TSPAN7: variants seen among roughly 807,000 people sequenced by gnomAD.
TSPAN7 encodes the protein tetraspanin-7.
In TSPAN7, 1 loss-of-function variant was observed where a neutral mutation model predicts 17.6. The ratio of observed to expected loss-of-function variants is 0.06; its 90% CI spans 0.02 to 0.27. TSPAN7 has a LOEUF of 0.27. Ranked by LOEUF, TSPAN7 falls within the 10% of genes least tolerant of loss-of-function variation. The pLI, the probability that TSPAN7 is intolerant of heterozygous loss-of-function variation, is 1.00. For synonymous variants in TSPAN7, 78 were observed against 79.0 expected (o/e 0.99, Z 0.07); for missense variants, 112 against 201.7 (o/e 0.56, Z 2.69).
chrX:38,671,184 T>A (rs950865937), intron 2 of TSPAN7, among the ~76,000 whole-genome samples, 192 bp from the exon 3 acceptor site: 11 of 112,432 alleles, frequency 9.8e-5, no homozygotes, highest in African/African-American at 3.6e-4. Flanking sequence ...CATATGCATA[T>A]TAAACACACA....
At chrX:38,564,861 C>T (rs1270883038) in intron 1 of TSPAN7, among the ~76,000 whole-genome samples, 1 of 111,738 alleles carries the variant, frequency 8.9e-6, no homozygotes, top group African/African-American at 3.3e-5. Flanking sequence ...TTTATATATT[C>T]TGAGTACAAG....
intron 1 of TSPAN7, among the ~76,000 whole-genome samples, chrX:38,584,793 T>A (rs1447870208): frequency 8.9e-6 from 1 of 112,041 alleles, no homozygotes; most frequent in African/African-American, 3.2e-5. Flanking sequence ...CCTCTCCCTC[T>A]CTATCATGTT....
At position 38,563,165 on chromosome X, in the gene TSPAN7, C is replaced by T. The variant is rs777183496; in HGVS notation, c.81+1538C>T. ...GTATGGACTCCCCAGACCACACATA[C>T]CAGGAGCTCTGCAATGAGCTAGGAT... On this transcript the variant is annotated intron_variant, in intron 1 of 7. Transcript: ENST00000378482. 7 of 941,098 alleles carry T rather than the reference C, an allele frequency of 7.4e-6. No individual in the cohort carries two copies. In the South Asian group the frequency reaches 1.3e-4, roughly 17 times the overall value. The allele number at this position is 941,098 out of a possible 1,213,427, so 77.6% of individuals were successfully genotyped here. A position where few individuals can be genotyped will look rare whatever the true frequency, so the allele number is the denominator to read the frequency against.
chrX:38,615,420 T>C (rs1381488226), intron 1 of TSPAN7, among the ~76,000 whole-genome samples: 1 of 111,958 alleles, frequency 8.9e-6, no homozygotes, highest in Non-Finnish European at 1.9e-5. Context: ...TTTCATACAG[T>C]GTGTCAAGCC....
At chrX:38,597,298 C>T (rs1293956113) in intron 1 of TSPAN7, among the ~76,000 whole-genome samples, 1 of 110,961 alleles carries the variant, frequency 9.0e-6, no homozygotes, top group Non-Finnish European at 1.9e-5. Context: ...TATTTCAGCT[C>T]TCATACTATA....
intron 1 of TSPAN7, 86 bp from the exon 2 acceptor site, chrX:38,666,035 T>A (rs1477871754): frequency 3.1e-6 from 3 of 958,289 alleles, no homozygotes; most frequent in Non-Finnish European, 4.4e-6. Flanking sequence ...TCACGGAAAC[T>A]TGAGTCTTCA....
chrX:38,639,054 A>G (rs1569310271), intron 1 of TSPAN7, among the ~76,000 whole-genome samples: 2 of 111,322 alleles, frequency 1.8e-5, no homozygotes, highest in Non-Finnish European at 1.9e-5. Context: ...TGGATAAGGA[A>G]TTGTTTTAGC....
intron 1 of TSPAN7, chrX:38,563,108 G>T (rs900677741): frequency 1.1e-5 from 11 of 967,796 alleles, no homozygotes; most frequent in Non-Finnish European, 1.5e-5. Context: ...TTTCCTTATC[G>T]CTGGCGTTGG....
chrX:38,584,232 C>T (rs1413883744), intron 1 of TSPAN7, among the ~76,000 whole-genome samples: 2 of 110,797 alleles, frequency 1.8e-5, no homozygotes, highest in African/African-American at 6.6e-5. Context: ...GGATTATGGG[C>T]ATGAGCCACA....
intron 1 of TSPAN7, among the ~76,000 whole-genome samples, chrX:38,573,888 A>G (rs1014573847): frequency 1.8e-5 from 2 of 111,758 alleles, no homozygotes; most frequent in African/African-American, 6.5e-5. Flanking sequence ...ATCATATCAT[A>G]TTAAGGATAC....
chrX:38,570,319 C>T (rs922217879), intron 1 of TSPAN7, among the ~76,000 whole-genome samples: 1 of 111,844 alleles, frequency 8.9e-6, no homozygotes, highest in African/African-American at 3.2e-5. Context: ...ATTTTATCAA[C>T]TTAATTTACT....
intron 1 of TSPAN7, among the ~76,000 whole-genome samples, chrX:38,642,366 C>G (rs2069617584): frequency 8.9e-6 from 1 of 112,123 alleles, no homozygotes; most frequent in Non-Finnish European, 1.9e-5. Flanking sequence ...GACAATTATG[C>G]TTTGCTCATT....
chrX:38,673,364 CTTTTT>C (rs1173827469), intron 3 of TSPAN7, among the ~76,000 whole-genome samples: 1 of 85,971 alleles, frequency 1.2e-5, no homozygotes, highest in African/African-American at 4.6e-5. Context: ...GTTTTGTTAA[CTTTTT>C]TTTTTTTTTT....
At chrX:38,582,649 G>A (rs1265247313) in intron 1 of TSPAN7, among the ~76,000 whole-genome samples, 3 of 112,384 alleles carry the variant, frequency 2.7e-5, no homozygotes, top group African/African-American at 6.5e-5. Flanking sequence ...TTTGTAAGAT[G>A]GGGCATTGAT....
chrX:38,626,591 C>T (rs759494905), intron 1 of TSPAN7, among the ~76,000 whole-genome samples: 4 of 110,754 alleles, frequency 3.6e-5, no homozygotes, highest in South Asian at 3.9e-4. Context: ...AGATGCAGTA[C>T]GCTCAGAGGA....
At chrX:38,666,855 C>T (rs367892541) in intron 2 of TSPAN7, among the ~76,000 whole-genome samples, 1 of 111,579 alleles carries the variant, frequency 9.0e-6, no homozygotes, top group South Asian at 3.8e-4. Context: ...CTGCCTCGGC[C>T]TCCCAAAGTG....
chrX:38,638,961 A>G (rs746945685), intron 1 of TSPAN7, among the ~76,000 whole-genome samples: 11 of 111,523 alleles, frequency 9.9e-5, no homozygotes, highest in African/African-American at 3.6e-4. Context: ...TCATGCTTTA[A>G]TAGGTAGAAA....
At chrX:38,586,702 A>T (rs2069260046) in intron 1 of TSPAN7, among the ~76,000 whole-genome samples, 1 of 112,227 alleles carries the variant, frequency 8.9e-6, no homozygotes, top group Admixed American at 9.4e-5. Flanking sequence ...ACAAATGACC[A>T]ATTTATGAAG....
rs1415901372 is a variant in TSPAN7 at position 38,654,726 on chromosome X, TA to T, written c.82-11394del. 9.6e-3 allele frequency among the ~76,000 whole-genome samples: 332 copies of T among 34,559 alleles called. 1 individual carries two copies. The African/African-American group carries it at 0.11, about 12-fold the overall frequency. The allele number at this position is 34,559 out of a possible 115,157, so 30.0% of individuals were successfully genotyped here. On this transcript the variant is annotated intron_variant, in intron 1 of 7. Transcript: ENST00000378482. The stretch of plus-strand genomic sequence containing the variant: ...TTGGCCCTGGGGATACACCCATGAA[TA>T]GGATGAATAGGACAAAAATCCTGCC...
Sources: gnomAD v4.1 joint callset for allele counts (sites outside exome capture counted in the v4.1 genomes callset) on GRCh38, gnomAD v4.1.1 for gene constraint, MANE v1.5 for transcripts, NCBI Gene and HGNC (gene_info 2026-07-23, HGNC 2026-07-21) for gene names.